Variants in PLEKHA7 observed in about 807,000 individuals in gnomAD.
The protein encoded by PLEKHA7 is pleckstrin homology domain-containing family A member 7.
A neutral mutation model predicts 170.0 loss-of-function variants in PLEKHA7; 104 were observed. The ratio of observed to expected loss-of-function variants is 0.61; its 90% CI spans 0.52 to 0.72. The LOEUF is 0.72. Ranked by LOEUF, PLEKHA7 falls within the 30% of genes least tolerant of loss-of-function variation. The probability of loss-of-function intolerance (pLI) is 0.00; values close to 1 mark genes in which losing one functional copy is unlikely to be tolerated. For missense variants in PLEKHA7, 1,615 were observed against 1,671.7 expected, an observed-to-expected ratio of 0.97 and a Z score of 0.59; for synonymous variants, 648 against 660.8, an observed-to-expected ratio of 0.98 and a Z score of 0.30.
intron 3 of PLEKHA7, among the ~76,000 whole-genome samples, chr11:16,896,924 G>A (rs945108549): frequency 2.0e-5 from 3 of 152,142 alleles, no homozygotes; most frequent in African/African-American, 7.2e-5. Context: ...GCTTGTTTGT[G>A]CACACACGGA....
At chr11:16,845,541 A>AT (rs1171976203) in intron 8 of PLEKHA7, among the ~76,000 whole-genome samples, 1 of 151,936 alleles carries the variant, frequency 6.6e-6, no homozygotes, top group Non-Finnish European at 1.5e-5. Context: ...TAATTTTTGT[A>AT]TTTTTTGTAG....
intron 3 of PLEKHA7, 135 bp downstream of exon 3, chr11:17,013,854 A>T (rs894973266): frequency 9.5e-7 from 1 of 1,049,640 alleles, no homozygotes; most frequent in Non-Finnish European, 1.3e-6. Context: ...CAAAACGTTG[A>T]GTGTGGCCGC....
chr11:16,838,955 G>A (rs1217383550), intron 9 of PLEKHA7, among the ~76,000 whole-genome samples: 1 of 151,936 alleles, frequency 6.6e-6, no homozygotes, highest in Non-Finnish European at 1.5e-5. Context: ...CAAAGTGCTG[G>A]GATTACAGGT....
At chr11:16,916,083 T>C (rs1462091376) in intron 3 of PLEKHA7, among the ~76,000 whole-genome samples, 1 of 151,954 alleles carries the variant, frequency 6.6e-6, no homozygotes. Flanking sequence ...TATCTCATTG[T>C]GGTTTTGATT....
At chr11:16,896,109 C>A (rs2135989321) in intron 3 of PLEKHA7, among the ~76,000 whole-genome samples, 2 of 152,328 alleles carry the variant, frequency 1.3e-5, no homozygotes, top group Middle Eastern at 3.4e-3. Flanking sequence ...CTAAAGCTGT[C>A]TCTCTGAGTT....
At chr11:16,865,070 C>T (rs542900994) in intron 4 of PLEKHA7, among the ~76,000 whole-genome samples, 2 of 152,274 alleles carry the variant, frequency 1.3e-5, no homozygotes, top group African/African-American at 4.8e-5. Context: ...CCATAATGGT[C>T]CCCCTCCTCA....
intron 3 of PLEKHA7, among the ~76,000 whole-genome samples, chr11:16,928,701 C>T (rs1859732350): frequency 6.6e-6 from 1 of 151,898 alleles, no homozygotes; most frequent in Admixed American, 6.6e-5. Context: ...GTGATCCTCC[C>T]GCCCTGCCCT....
At chr11:16,966,918 G>T (rs1862408649) in intron 3 of PLEKHA7, among the ~76,000 whole-genome samples, 1 of 152,100 alleles carries the variant, frequency 6.6e-6, no homozygotes, top group Non-Finnish European at 1.5e-5. Context: ...AAGAAGAGCT[G>T]CCCCAGCCTT....
At chr11:16,938,929 G>A (rs1410494887) in intron 3 of PLEKHA7, among the ~76,000 whole-genome samples, 1 of 151,958 alleles carries the variant, frequency 6.6e-6, no homozygotes, top group Non-Finnish European at 1.5e-5. Context: ...ATAAAGCTTT[G>A]GACTGTCTTT....
chr11:16,960,290 G>A (rs1861973660), intron 3 of PLEKHA7, among the ~76,000 whole-genome samples: 1 of 152,164 alleles, frequency 6.6e-6, no homozygotes, highest in Non-Finnish European at 1.5e-5. Flanking sequence ...GGAGAAACAT[G>A]CTACTGTTCC....
chr11:16,789,167 C>T lies in PLEKHA7; in HGVS notation c.3286G>A (p.Gly1096Ser). 6.2e-7 allele frequency: 1 copy of T among 1,612,418 alleles called. No homozygotes were observed. Among genetic ancestry groups the T allele is most frequent in the African/African-American group, 1.3e-5 (1 of 75,050 alleles). ...ALVRERKRTL[G>S]QGERTGLPSS... is the part of the protein sequence containing the mutation. ...GGCAGGCCCGTCCTCTCCCCTTGGC[C>T]CAGTGTCCTCTTGCGCTCTCGGACC... is the stretch of plus-strand genomic sequence containing the variant. Residue 1096 changes from glycine to serine, a missense_variant, in exon 23 of 27, where the codon GGC becomes AGC. By Grantham distance (56) the Gly-to-Ser change is moderately conservative. Transcript: ENST00000531066. This position sits in a 1 kb window ranked among gnomAD's most constrained non-coding sequence, Gnocchi z 4.6.
At chr11:16,814,463 G>A (rs1564947464) in intron 12 of PLEKHA7, among the ~76,000 whole-genome samples, 1 of 152,156 alleles carries the variant, frequency 6.6e-6, no homozygotes, top group Non-Finnish European at 1.5e-5. Context: ...TTTGCCTGAG[G>A]ACAACCCCAG....
At chr11:16,954,075 CA>C (rs1241304011) in intron 3 of PLEKHA7, among the ~76,000 whole-genome samples, 1 of 152,134 alleles carries the variant, frequency 6.6e-6, no homozygotes, top group Non-Finnish European at 1.5e-5. Context: ...GCAAACAATG[CA>C]AAGATAGAGG....
Position 16,988,649 on chromosome 11 carries a change from TG to T in PLEKHA7, c.221+25339del, listed in dbSNP as rs780474813. On this transcript the variant is annotated intron_variant, in intron 3 of 26. Coordinates refer to ENST00000531066, the MANE Select transcript of PLEKHA7 (RefSeq NM_001329630.2). ...TTTTAGTAGAGACAAGGTTTCACCA[TG>T]TTGGCCAGGCTGGTCGAACTCCTGA... Among the ~76,000 whole-genome samples the T allele has an allele frequency of 1.7e-4, 23 of 131,556 alleles. No homozygotes were observed. The South Asian group carries it at 2.0e-3, about 11-fold the overall frequency. 86.3% of individuals were successfully genotyped at this position (131,556 alleles called of 152,430 possible). A position where few individuals can be genotyped will look rare whatever the true frequency, so the allele number is the denominator to read the frequency against.
intron 8 of PLEKHA7, among the ~76,000 whole-genome samples, chr11:16,847,917 T>C (rs1049274764): frequency 2.7e-5 from 4 of 149,854 alleles, no homozygotes; most frequent in Non-Finnish European, 5.9e-5. Flanking sequence ...ATGGTAGGAA[T>C]ACAACCTGAA....
intron 3 of PLEKHA7, among the ~76,000 whole-genome samples, chr11:16,878,606 G>A (rs765491165): frequency 6.6e-5 from 10 of 152,056 alleles, no homozygotes; most frequent in Non-Finnish European, 1.0e-4. Flanking sequence ...TCTTTCCTCC[G>A]GATATTTGAG....
At chr11:16,971,726 AT>A (rs925084163) in intron 3 of PLEKHA7, among the ~76,000 whole-genome samples, 12 of 151,660 alleles carry the variant, frequency 7.9e-5, no homozygotes, top group African/African-American at 2.9e-4. Flanking sequence ...TTTTTATTCT[AT>A]TTTTTTCTTT....
intron 4 of PLEKHA7, among the ~76,000 whole-genome samples, chr11:16,861,898 T>C (rs148857509): frequency 3.3e-5 from 5 of 152,170 alleles, no homozygotes; most frequent in African/African-American, 9.6e-5. Flanking sequence ...TTTTTTTTAG[T>C]AGCTTACACC....
chr11:16,860,799 G>C (rs745646297), intron 4 of PLEKHA7, among the ~76,000 whole-genome samples: 17 of 152,158 alleles, frequency 1.1e-4, no homozygotes, highest in Non-Finnish European at 2.1e-4. Flanking sequence ...ATCTTGTGGT[G>C]GTGGAAAGAG....
Sources: allele counts gnomAD v4.1 joint callset (sites outside exome capture counted in the v4.1 genomes callset), GRCh38; gene constraint gnomAD v4.1.1; non-coding constraint Gnocchi (gnomAD v3.1); transcripts MANE v1.5; gene names NCBI Gene and HGNC (gene_info 2026-07-23, HGNC 2026-07-21).